The following FRY variants were observed in gnomAD, a reference collection of about 807,000 sequenced individuals.
FRY encodes the protein FRY microtubule binding protein.
Under a neutral mutation model 348.4 loss-of-function variants are expected in FRY, and 128 were observed. That is an observed-to-expected ratio of 0.37 (90% CI 0.32 to 0.43). The LOEUF (loss-of-function observed/expected upper bound fraction) is 0.43. Ranked by LOEUF, FRY falls within the 20% of genes least tolerant of loss-of-function variation. FRY has a pLI of 1.00. For missense variants in FRY, 2,736 were observed against 3,695.2 expected (o/e 0.74, Z 6.73); for synonymous variants, 1,370 against 1,374.7 (o/e 1.00, Z 0.08).
chr13:32,243,396 A>T (rs779456566), intron 46 of FRY, among the ~76,000 whole-genome samples: 1 of 152,232 alleles, frequency 6.6e-6, no homozygotes, highest in Non-Finnish European at 1.5e-5. Flanking sequence ...GTGAAATCTT[A>T]TACATAAATC....
intron 11 of FRY, among the ~76,000 whole-genome samples, chr13:32,138,289 T>C (rs961905854): frequency 6.6e-6 from 1 of 152,190 alleles, no homozygotes; most frequent in African/African-American, 2.4e-5. Flanking sequence ...AGTCACTTTA[T>C]TGAAAACAGA....
At chr13:32,200,568 C>G (rs1883960643) in intron 29 of FRY, among the ~76,000 whole-genome samples, 1 of 152,084 alleles carries the variant, frequency 6.6e-6, no homozygotes, top group Admixed American at 6.5e-5. Context: ...GCCTGGGCAA[C>G]AGTGAGACCT....
chr13:32,079,093 G>C, intron 2 of FRY, 60 bp downstream of exon 2: 1 of 1,099,088 alleles, frequency 9.1e-7, no homozygotes, highest in Non-Finnish European at 1.4e-6. Flanking sequence ...GAATATACTA[G>C]ATTTAAACAC....
At chr13:32,186,104 A>G (rs1883012295) in intron 26 of FRY, among the ~76,000 whole-genome samples, 156 bp from the exon 27 acceptor site, 1 of 152,206 alleles carries the variant, frequency 6.6e-6, no homozygotes, top group Admixed American at 6.5e-5. Flanking sequence ...TAGAAAAGAA[A>G]ATGTGGCTTG....
At chr13:32,290,687 A>G (rs1889296638) in intron 59 of FRY, among the ~76,000 whole-genome samples, 3 of 152,150 alleles carry the variant, frequency 2.0e-5, no homozygotes, top group African/African-American at 2.4e-5. Context: ...GAACAGAGAC[A>G]TGGAGACCAG....
In FRY at chr13:32,295,763, C is replaced by A; in HGVS notation, c.*303C>A. 1 of 486,154 alleles carries A rather than the reference C, an allele frequency of 2.1e-6. No individual in the cohort carries two copies. 30.1% of individuals were successfully genotyped at this position (486,154 alleles called of 1,614,324 possible). On this transcript the variant is annotated 3_prime_UTR_variant, in exon 61 of 61. Coordinates refer to ENST00000542859, the MANE Select transcript of FRY (RefSeq NM_023037.3). The stretch of plus-strand genomic sequence containing the variant: ...AGTGACTTCCGTTGCATACCAAAGC[C>A]GACTACACTGAACAGTACCTTCCTT...
chr13:32,204,797 T>G (rs1884257501), intron 31 of FRY, among the ~76,000 whole-genome samples: 2 of 152,250 alleles, frequency 1.3e-5, no homozygotes, highest in African/African-American at 4.8e-5. Context: ...TTTATGCACT[T>G]CACCCAAGAT....
Position 32,239,779 on chromosome 13 carries a change from C to A in FRY, c.6585C>A (p.His2195Gln), listed in dbSNP as rs1316866114. ...LAHVMTLYKT[H>Q]SYTRDCATWV... ...ATGTCATGACTCTTTATAAAACGCA[C>A]AGCTACACGAGGGACTGTGCCACGT... Residue 2195 changes from histidine (H) to glutamine (Q), a missense_variant, in exon 46 of 61, where the codon CAC (histidine) becomes CAA (glutamine). By Grantham distance (24) the His-to-Gln change is conservative. Transcript: ENST00000542859. The surrounding 1 kb of genome is among the most constrained non-coding windows in gnomAD (Gnocchi z 4.3). 3 of 1,613,828 alleles carry A rather than the reference C, an allele frequency of 1.9e-6. No individual in the cohort carries two copies. The highest frequency in any genetic ancestry group is 2.5e-6 in the Non-Finnish European group (3 of 1,179,744).
At chr13:32,104,656 G>A (rs984691952) in intron 3 of FRY, among the ~76,000 whole-genome samples, 4 of 152,182 alleles carry the variant, frequency 2.6e-5, no homozygotes, top group African/African-American at 9.7e-5. Context: ...TTTCAGGCCT[G>A]ATATGGTTTG....
chr13:32,124,789 A>T lies in FRY; in HGVS notation c.636-6A>T. On this transcript the variant is annotated splice_region_variant and splice_polypyrimidine_tract_variant and intron_variant, in intron 6 of 60. Transcript: ENST00000542859. ...TCCCTAACTTGTCTAATTATACCCTACTTAGGTACCTTGGTCCCAACACTG... is the reference window on the plus strand; with the variant it reads ...TCCCTAACTTGTCTAATTATACCCTTCTTAGGTACCTTGGTCCCAACACTG... 5 of 1,604,722 alleles carry T rather than the reference A, an allele frequency of 3.1e-6. No individual in the cohort carries two copies. Among genetic ancestry groups the T allele is most frequent in the Non-Finnish European group, 4.3e-6 (5 of 1,171,330 alleles).
chr13:32,240,023 A>AGG (rs1333741354), intron 46 of FRY, 142 bp downstream of exon 46: 6 of 679,300 alleles, frequency 8.8e-6, no homozygotes, highest in Admixed American at 8.3e-5. Context: ...TCCCTGCCAG[A>AGG]GGTAAGCTTT....
intron 29 of FRY, among the ~76,000 whole-genome samples, chr13:32,196,804 A>G (rs550284124): frequency 3.3e-4 from 50 of 152,226 alleles, no homozygotes; most frequent in Non-Finnish European, 5.3e-4. Flanking sequence ...ATTAAATGCT[A>G]TTAGATACAG....
At chr13:32,094,171 AAGC>A (rs1271464598) in intron 2 of FRY, among the ~76,000 whole-genome samples, 1 of 152,150 alleles carries the variant, frequency 6.6e-6, no homozygotes, top group Non-Finnish European at 1.5e-5. Flanking sequence ...GTAGAACTGC[AAGC>A]AGAAGCATAC....
chr13:32,093,404 T>A (rs866812612), intron 2 of FRY, among the ~76,000 whole-genome samples: 2 of 152,302 alleles, frequency 1.3e-5, no homozygotes, highest in Middle Eastern at 3.4e-3. Flanking sequence ...TTTCTCTTTT[T>A]TTTACCCTCT....
chr13:32,066,807 T>C (rs571861830), intron 1 of FRY, among the ~76,000 whole-genome samples: 6 of 152,334 alleles, frequency 3.9e-5, no homozygotes, highest in Middle Eastern at 3.4e-3. Context: ...ATTCATTGGT[T>C]TGCCATTTAA....
At chr13:32,218,622 T>G in intron 35 of FRY, 127 bp from the exon 36 acceptor site, 1 of 625,222 alleles carries the variant, frequency 1.6e-6, no homozygotes, top group South Asian at 1.6e-5. Context: ...GAGATTGCAG[T>G]GAGCCAAGAT....
Position 32,147,306 on chromosome 13 carries a change from G to T in FRY, c.1204G>T (p.Val402Phe), listed in dbSNP as rs755806023. The change falls in exon 12 of 61, where the codon GTT becomes TTT. Residue 402 changes from valine to phenylalanine, a missense_variant. Physicochemically the swap from Val to Phe is conservative, Grantham distance 50. This residue lies in a region of FRY where 191 missense variants were observed against 370.2 expected (regional missense o/e 0.52). Transcript: ENST00000542859. ...GAACAAAGATCCCAAGATGGCTCGA[G>T]TTGCACTGGAATCTCTCTACAGATT... The part of the protein sequence containing the change: ...LKNKDPKMAR[V>F]ALESLYRLLW... The T allele has an allele frequency of 2.5e-6, 4 of 1,609,986 alleles. No individual in the cohort carries two copies. In the South Asian group the frequency reaches 4.4e-5, roughly 18 times the overall value.
intron 55 of FRY, among the ~76,000 whole-genome samples, chr13:32,268,495 AAAAAAAAAAAATAT>A (rs1364817725): frequency 1.3e-3 from 19 of 15,146 alleles, no homozygotes; most frequent in African/African-American, 3.3e-3. Flanking sequence ...TTAAAAAAAA[AAAAAAAAAAAATAT>A]ATATATATAT....
chr13:32,162,975 A>G (rs1881535041), intron 17 of FRY, among the ~76,000 whole-genome samples: 1 of 152,224 alleles, frequency 6.6e-6, no homozygotes, highest in South Asian at 2.1e-4. Flanking sequence ...GTTTCCAAAG[A>G]ATAATGAACA....
Sources: allele counts gnomAD v4.1 joint callset (sites outside exome capture counted in the v4.1 genomes callset), GRCh38; gene constraint gnomAD v4.1.1; regional missense constraint gnomAD v4.1.1; non-coding constraint Gnocchi (gnomAD v3.1); transcripts MANE v1.5; gene names NCBI Gene and HGNC (gene_info 2026-07-23, HGNC 2026-07-21).